The following PCDH15 variants were observed in gnomAD, a reference collection of about 807,000 sequenced individuals.
PCDH15 encodes the protein protocadherin related 15.
In PCDH15, 129 loss-of-function variants were observed where a neutral mutation model predicts 178.5. That is an observed-to-expected ratio of 0.72 (90% CI 0.63 to 0.84). The LOEUF is 0.84. Ranked by LOEUF, PCDH15 falls within the 40% of genes least tolerant of loss-of-function variation. PCDH15 has a pLI of 0.00. For synonymous variants in PCDH15, 800 were observed against 732.0 expected, an observed-to-expected ratio of 1.09 and a Z score of -1.50; for missense variants, 2,230 against 2,099.9, an observed-to-expected ratio of 1.06 and a Z score of -1.21.
intron 2 of PCDH15, among the ~76,000 whole-genome samples, chr10:55,004,464 C>A (rs1161316168): frequency 6.6e-6 from 1 of 152,098 alleles, no homozygotes; most frequent in Non-Finnish European, 1.5e-5. Context: ...GGAAATCAAC[C>A]ACCAGGCCTC....
chr10:55,607,796 C>T (rs1843260899), intron 2 of PCDH15, among the ~76,000 whole-genome samples: 2 of 146,736 alleles, frequency 1.4e-5, no homozygotes, highest in Admixed American at 6.8e-5. Flanking sequence ...ATACCTAATG[C>T]TAGATGACAA....
chr10:54,059,761 G>A lies in PCDH15; in HGVS notation c.2220+6996C>T, dbSNP rs73235788. Among the ~76,000 whole-genome samples the A allele has an allele frequency of 4.8e-3, 730 of 152,312 alleles. 6 individuals are homozygous for A. The highest frequency in any genetic ancestry group is 0.02 in the Middle Eastern group (6 of 294). ...GTTTGTATTTTTTCAGTTCAGATAC[G>A]CATGAGCAAGTCACAGGAAGCATGG... is the stretch of plus-strand genomic sequence containing the variant. On this transcript the variant is annotated intron_variant, in intron 18 of 37. Coordinates refer to ENST00000644397, the MANE Select transcript of PCDH15 (RefSeq NM_001384140.1).
intron 18 of PCDH15, among the ~76,000 whole-genome samples, chr10:54,048,620 A>G (rs78733599): frequency 0.011 from 1,644 of 152,270 alleles, 33 homozygotes; most frequent in African/African-American, 0.038. Context: ...GCATATGGAT[A>G]GCCAGTTATC....
chr10:55,513,960 C>A (rs1158349144), intron 2 of PCDH15, among the ~76,000 whole-genome samples: 1 of 151,838 alleles, frequency 6.6e-6, no homozygotes, highest in Non-Finnish European at 1.5e-5. Context: ...TTCTTTAAAC[C>A]AAGATACTCA....
intron 2 of PCDH15, among the ~76,000 whole-genome samples, chr10:54,570,828 T>C (rs200839438): frequency 5.4e-5 from 7 of 129,024 alleles, no homozygotes; most frequent in Admixed American, 7.7e-5. Context: ...TTTTTTTTTT[T>C]CTTTTTTTTT....
At chr10:54,851,259 C>G (rs1953616940) in intron 3 of PCDH15, among the ~76,000 whole-genome samples, 1 of 150,874 alleles carries the variant, frequency 6.6e-6, no homozygotes, top group South Asian at 2.1e-4. Context: ...TATGTACCCA[C>G]AAAAATTAAA....
chr10:54,795,218 C>T (rs1233752005), intron 1 of PCDH15, among the ~76,000 whole-genome samples: 1 of 151,820 alleles, frequency 6.6e-6, no homozygotes, highest in Non-Finnish European at 1.5e-5. Flanking sequence ...TCGATCTTCA[C>T]TCATCTTACT....
intron 1 of PCDH15, among the ~76,000 whole-genome samples, chr10:54,765,739 A>G (rs1229991344): frequency 1.3e-5 from 2 of 151,902 alleles, no homozygotes; most frequent in Admixed American, 6.6e-5. Flanking sequence ...AGAAATTAGA[A>G]GTTCAGATCT....
intron 3 of PCDH15, among the ~76,000 whole-genome samples, chr10:54,856,093 A>G (rs1486595405): frequency 6.6e-6 from 1 of 152,228 alleles, no homozygotes; most frequent in South Asian, 2.1e-4. Flanking sequence ...GATTGTATTT[A>G]AATAGTATGA....
At chr10:54,579,362 T>G (rs2090817574) in intron 2 of PCDH15, among the ~76,000 whole-genome samples, 1 of 152,044 alleles carries the variant, frequency 6.6e-6, no homozygotes, top group Admixed American at 6.6e-5. Flanking sequence ...TAAGACAGAA[T>G]TTAAACCAAT....
At chr10:54,046,673 C>A (rs979148467) in intron 18 of PCDH15, among the ~76,000 whole-genome samples, 2 of 152,132 alleles carry the variant, frequency 1.3e-5, no homozygotes, top group East Asian at 1.9e-4. Context: ...AAAGCAATTG[C>A]GCCTGAGAAG....
intron 15 of PCDH15, among the ~76,000 whole-genome samples, chr10:54,091,799 C>A (rs2094604620): frequency 6.6e-6 from 1 of 152,152 alleles, no homozygotes; most frequent in African/African-American, 2.4e-5. Context: ...GATTTCTCCT[C>A]ATTTTATAAG....
At chr10:54,005,347 GGAAA>G (rs71461214) in intron 20 of PCDH15, among the ~76,000 whole-genome samples, 34,718 of 151,838 alleles carry the variant, frequency 0.23, 4,246 homozygotes, top group East Asian at 0.45. Context: ...GCACATCAAA[GGAAA>G]GAATCAACAA....
chr10:53,896,734 G>A (rs1458228219), intron 26 of PCDH15, among the ~76,000 whole-genome samples: 1 of 152,056 alleles, frequency 6.6e-6, no homozygotes, highest in Admixed American at 6.5e-5. Context: ...AAGATCAGTG[G>A]CAGCATCAGG....
At chr10:55,425,642 C>T (rs1025956945) in intron 2 of PCDH15, among the ~76,000 whole-genome samples, 2 of 147,806 alleles carry the variant, frequency 1.4e-5, no homozygotes, top group Admixed American at 6.7e-5. Context: ...GAAGAGTTAC[C>T]CGCTACTAGC....
intron 9 of PCDH15, among the ~76,000 whole-genome samples, chr10:54,225,407 C>T (rs1014887055): frequency 2.6e-5 from 4 of 152,190 alleles, no homozygotes; most frequent in African/African-American, 9.6e-5. Context: ...GTTACTTTCA[C>T]TAGCCAGTTC....
At chr10:55,474,142 A>G (rs1275033282) in intron 2 of PCDH15, among the ~76,000 whole-genome samples, 1 of 152,202 alleles carries the variant, frequency 6.6e-6, no homozygotes, top group Non-Finnish European at 1.5e-5. Context: ...ATTCAAGATC[A>G]GATGTGTGTG....
chr10:54,036,434 T>C (rs1218375507), intron 18 of PCDH15, among the ~76,000 whole-genome samples: 1 of 151,858 alleles, frequency 6.6e-6, no homozygotes, highest in African/African-American at 2.4e-5. Context: ...CCTAGTGCAC[T>C]TAAGAATTCT....
chr10:55,116,981 G>A (rs1382996640), intron 2 of PCDH15, among the ~76,000 whole-genome samples: 1 of 152,136 alleles, frequency 6.6e-6, no homozygotes, highest in Middle Eastern at 3.2e-3. Context: ...TTACCATTAG[G>A]TGACACTTTT....
Sources: allele counts gnomAD v4.1 joint callset (sites outside exome capture counted in the v4.1 genomes callset), GRCh38; gene constraint gnomAD v4.1.1; transcripts MANE v1.5; gene names NCBI Gene and HGNC (gene_info 2026-07-23, HGNC 2026-07-21).